AVEN: variants seen among roughly 807,000 people sequenced by gnomAD.
AVEN encodes apoptosis and caspase activation inhibitor.
In AVEN, 41 loss-of-function variants were observed where a neutral mutation model predicts 38.1. The ratio of observed to expected loss-of-function variants is 1.08; its 90% CI spans 0.84 to 1.40. The LOEUF is 1.40. Ranked by LOEUF, AVEN falls within the 40% of genes most tolerant of loss-of-function variation. AVEN has a pLI of 0.00. For missense variants in AVEN, 605 were observed against 438.8 expected (o/e 1.38, Z -3.38); for synonymous variants, 206 against 171.8 (o/e 1.20, Z -1.56).
chr15:33,933,495 A>AAT (rs1404774973), intron 2 of AVEN, among the ~76,000 whole-genome samples: 32 of 71,730 alleles, frequency 4.5e-4, no homozygotes, highest in South Asian at 2.0e-3. Flanking sequence ...CAACAATCAC[A>AAT]CACACACACA....
intron 3 of AVEN, among the ~76,000 whole-genome samples, chr15:33,872,164 G>C (rs1890995079): frequency 1.3e-5 from 2 of 152,238 alleles, no homozygotes; most frequent in Admixed American, 6.5e-5. Context: ...GCTGGGGAGA[G>C]GGGAGCCAGT....
rs140339478 is a variant in AVEN at position 34,049,091 on chromosome 15, G to T, written n.1637+13831C>A. ...GCTCAAAGGTAGATAAGCCCACAAA[G>T]ATGAGACAGATTCAACACAAAAATG... is the stretch of plus-strand genomic sequence containing the variant. On this transcript the variant is annotated intron_variant and non_coding_transcript_variant, in intron 5 of 11. Transcript: ENST00000675287. Among the ~76,000 whole-genome samples, 502 of 152,330 alleles carry T rather than the reference G, an allele frequency of 3.3e-3. 14 individuals are homozygous for T. Among genetic ancestry groups the T allele is most frequent in the Admixed American group, 0.031 (469 of 15,304 alleles).
At chr15:33,927,147 G>C (rs1893642106) in intron 2 of AVEN, among the ~76,000 whole-genome samples, 1 of 151,690 alleles carries the variant, frequency 6.6e-6, no homozygotes, top group Non-Finnish European at 1.5e-5. Flanking sequence ...CCCAGCTACT[G>C]GGGAGGCTGA....
upstream of AVEN, among the ~76,000 whole-genome samples, chr15:34,043,164 G>A (rs986004957): frequency 1.3e-5 from 2 of 151,164 alleles, no homozygotes; most frequent in East Asian, 2.0e-4. Flanking sequence ...GGAGAATGGC[G>A]TGAACCTGGG....
intron 2 of AVEN, among the ~76,000 whole-genome samples, chr15:33,978,775 G>A (rs1051917678): frequency 6.6e-6 from 1 of 152,034 alleles, no homozygotes; most frequent in African/African-American, 2.4e-5. Flanking sequence ...CCTTTCCCCT[G>A]GTTCCTACAC....
intron 2 of AVEN, among the ~76,000 whole-genome samples, chr15:33,960,267 T>C (rs1895112469): frequency 1.3e-5 from 2 of 152,214 alleles, no homozygotes; most frequent in Admixed American, 1.3e-4. Context: ...GTCACGTCTG[T>C]GAATGTGACA....
chr15:33,870,290 C>T (rs1417476643), intron 4 of AVEN, among the ~76,000 whole-genome samples: 1 of 152,162 alleles, frequency 6.6e-6, no homozygotes, highest in Admixed American at 6.5e-5. Context: ...TGTGTATGTG[C>T]ACATGCAGAC....
chr15:34,034,708 T>A (rs1218509699), intron 1 of AVEN, among the ~76,000 whole-genome samples: 5 of 152,158 alleles, frequency 3.3e-5, no homozygotes, highest in Non-Finnish European at 7.4e-5. Flanking sequence ...AAAAGCAACT[T>A]AAAAACAGAA....
At chr15:33,933,490 A>AGCACACACACACACACACACACAC (rs1893925674) in intron 2 of AVEN, among the ~76,000 whole-genome samples, 1 of 56,634 alleles carries the variant, frequency 1.8e-5, no homozygotes, top group African/African-American at 9.9e-5. Context: ...GCCTCCAACA[A>AGCACACACACACACACACACACAC]TCACACACAC....
intron 2 of AVEN, among the ~76,000 whole-genome samples, chr15:33,907,697 A>G (rs374641356): frequency 2.4e-4 from 37 of 152,216 alleles, no homozygotes; most frequent in East Asian, 1.3e-3. Flanking sequence ...ATCAGAGAAC[A>G]GAGGTTGTTT....
chr15:33,961,786 C>T (rs1283189593), intron 2 of AVEN, among the ~76,000 whole-genome samples: 7 of 121,388 alleles, frequency 5.8e-5, no homozygotes, highest in South Asian at 5.2e-4. Context: ...GCACTCCAGC[C>T]TGGGCGACAG....
downstream of AVEN, among the ~76,000 whole-genome samples, chr15:33,861,480 C>CTTTTTTTTTT (rs34330524): frequency 4.1e-5 from 6 of 148,060 alleles, no homozygotes; most frequent in Non-Finnish European, 8.9e-5. Context: ...TATAAATATG[C>CTTTTTTTTTT]TTTTTTTTTT....
At chr15:33,895,815 A>G (rs139222476) in intron 2 of AVEN, among the ~76,000 whole-genome samples, 34 of 152,194 alleles carry the variant, frequency 2.2e-4, no homozygotes, top group African/African-American at 7.2e-4. Flanking sequence ...AAACCTCTCT[A>G]TAACTGCCCT....
intron 2 of AVEN, among the ~76,000 whole-genome samples, chr15:33,967,839 C>T (rs1895449198): frequency 6.7e-6 from 1 of 150,274 alleles, no homozygotes; most frequent in South Asian, 2.1e-4. Context: ...TAATGAAGAC[C>T]CTGTTAAAAG....
intron 2 of AVEN, among the ~76,000 whole-genome samples, chr15:33,884,809 C>G (rs1268814175): frequency 1.3e-5 from 2 of 152,182 alleles, no homozygotes; most frequent in East Asian, 3.9e-4. Context: ...CAATACAGAT[C>G]AGGCATATGT....
At chr15:33,879,432 T>C (rs1454803581) in intron 2 of AVEN, among the ~76,000 whole-genome samples, 1 of 146,082 alleles carries the variant, frequency 6.8e-6, no homozygotes, top group Non-Finnish European at 1.5e-5. Flanking sequence ...GGGATAGCAT[T>C]AGGAGATATA....
At chr15:33,918,311 T>C (rs1387991010) in intron 2 of AVEN, among the ~76,000 whole-genome samples, 1 of 152,230 alleles carries the variant, frequency 6.6e-6, no homozygotes, top group South Asian at 2.1e-4. Flanking sequence ...TAGCTCCTAC[T>C]ATGTACTTTT....
chr15:33,996,133 G>C (rs186204845), intron 2 of AVEN, among the ~76,000 whole-genome samples: 1 of 152,224 alleles, frequency 6.6e-6, no homozygotes, highest in African/African-American at 2.4e-5. Context: ...GGGGAGGGGC[G>C]TCTGCCATTG....
intron 2 of AVEN, among the ~76,000 whole-genome samples, chr15:33,915,411 T>C (rs943000969): frequency 1.1e-4 from 16 of 152,066 alleles, no homozygotes; most frequent in Non-Finnish European, 1.5e-4. Flanking sequence ...CTGGGGAACA[T>C]GAAGGTCCAG....
Sources: allele counts gnomAD v4.1 joint callset (sites outside exome capture counted in the v4.1 genomes callset), GRCh38; gene constraint gnomAD v4.1.1; transcripts MANE v1.5; gene names NCBI Gene and HGNC (gene_info 2026-07-23, HGNC 2026-07-21).